LRP1B: variants seen among roughly 807,000 people sequenced by gnomAD.
The protein encoded by LRP1B is LDL receptor related protein 1B, also known as low-density lipoprotein receptor-related protein 1B.
LRP1B carries 217 observed loss-of-function variants against 556.6 expected under a neutral mutation model. The observed-to-expected ratio is 0.39, with a 90% CI of 0.35 to 0.44. The LOEUF is 0.44. Among genes scored for constraint, LRP1B ranks in the 20% least tolerant of loss-of-function variants. LRP1B has a pLI of 1.00. For synonymous variants in LRP1B, 2,047 were observed against 1,865.8 expected, an observed-to-expected ratio of 1.10 and a Z score of -2.50; for missense variants, 5,053 against 5,620.8, an observed-to-expected ratio of 0.90 and a Z score of 3.23.
chr2:140,616,211 A>G (rs993877910), intron 41 of LRP1B, among the ~76,000 whole-genome samples: 2 of 151,986 alleles, frequency 1.3e-5, no homozygotes, highest in African/African-American at 4.8e-5. Flanking sequence ...ACTCATATTC[A>G]GGTACATTGG....
At chr2:140,929,635 G>A (rs1323888554) in intron 20 of LRP1B, among the ~76,000 whole-genome samples, 1 of 151,880 alleles carries the variant, frequency 6.6e-6, no homozygotes, top group Non-Finnish European at 1.5e-5. Context: ...ATCACTTTGC[G>A]ACTATTTAAA....
Position 140,238,161 on chromosome 2 carries a change from G to A in LRP1B, c.13551C>T (p.Asp4517=), listed in dbSNP as rs202222307. ...GGLLDPGFMI[D]PTKARYIGGG... ...TCTTAAGACATACTACCTTTGTTGGGTCTATCATAAAGCCAGGATCTAAAA... is the reference window on the plus strand; with the variant it reads ...TCTTAAGACATACTACCTTTGTTGGATCTATCATAAAGCCAGGATCTAAAA... The change falls in exon 89 of 91, where the codon GAC becomes GAT. Residue 4517 remains aspartate (D), a synonymous_variant. Coordinates refer to ENST00000389484, the MANE Select transcript of LRP1B (RefSeq NM_018557.3). The A allele has an allele frequency of 1.6e-5, 25 of 1,601,456 alleles. No homozygotes were observed. In the East Asian group the frequency reaches 5.0e-4, roughly 32 times the overall value.
chr2:140,907,532 T>G (rs755434315), intron 22 of LRP1B, among the ~76,000 whole-genome samples: 15 of 152,226 alleles, frequency 9.9e-5, no homozygotes, highest in Middle Eastern at 3.4e-3. Context: ...CATCCGTAGA[T>G]GAGGAACAAC....
At chr2:141,970,853 G>A (rs1188971434) in intron 1 of LRP1B, among the ~76,000 whole-genome samples, 1 of 151,426 alleles carries the variant, frequency 6.6e-6, no homozygotes, top group Non-Finnish European at 1.5e-5. Flanking sequence ...GCCCCTTATG[G>A]CAACTGCAAA....
chr2:140,994,787 C>T (rs1437143250), intron 15 of LRP1B, among the ~76,000 whole-genome samples: 1 of 151,856 alleles, frequency 6.6e-6, no homozygotes, highest in East Asian at 1.9e-4. Context: ...ATATGTGATA[C>T]TCATAAAGTT....
chr2:140,534,157 G>A lies in LRP1B; in HGVS notation c.7643-17C>T, dbSNP rs781461389. Reference sequence around the variant, plus strand: ...TTCTGTTTTCTTATAAATAAAAGTAGAAACACACAACCAGAGATCATATAG... The same window carrying A: ...TTCTGTTTTCTTATAAATAAAAGTAAAAACACACAACCAGAGATCATATAG... On this transcript the variant is annotated splice_polypyrimidine_tract_variant and intron_variant, in intron 46 of 90. Transcript: ENST00000389484. 6.2e-7 allele frequency: 1 copy of A among 1,603,798 alleles called. No individual in the cohort carries two copies. The highest frequency in any genetic ancestry group is 8.5e-7 in the Non-Finnish European group (1 of 1,174,018).
chr2:141,395,442 G>T (rs1271266054), intron 3 of LRP1B, among the ~76,000 whole-genome samples: 1 of 152,098 alleles, frequency 6.6e-6, no homozygotes, highest in Non-Finnish European at 1.5e-5. Context: ...ACAGCAATAA[G>T]TTATACCAGA....
chr2:140,648,295 G>T lies in LRP1B; in HGVS notation c.6800-46656C>A, dbSNP rs556319732. Among the ~76,000 whole-genome samples, 25 of 152,182 alleles carry T rather than the reference G, an allele frequency of 1.6e-4. No individual in the cohort carries two copies. The South Asian group carries it at 5.2e-3, about 32-fold the overall frequency. On this transcript the variant is annotated intron_variant, in intron 41 of 90. Coordinates refer to ENST00000389484, the MANE Select transcript of LRP1B (RefSeq NM_018557.3). ...CACACACCGGGGCATGTGGTGGGGT[G>T]GGGGAGTGGGGAGGGATAGCATTAG...
At chr2:140,979,105 G>A (rs1162588578) in intron 18 of LRP1B, among the ~76,000 whole-genome samples, 6 of 151,948 alleles carry the variant, frequency 3.9e-5, no homozygotes, top group East Asian at 3.9e-4. Flanking sequence ...TCAGCCTCTC[G>A]AGTAGCTGGG....
At chr2:141,114,495 C>T (rs1280120286) in intron 7 of LRP1B, among the ~76,000 whole-genome samples, 1 of 152,164 alleles carries the variant, frequency 6.6e-6, no homozygotes, top group African/African-American at 2.4e-5. Flanking sequence ...TTTGGCCTTT[C>T]ATGGCTGATC....
chr2:141,768,969 C>G (rs576199296), intron 2 of LRP1B, among the ~76,000 whole-genome samples: 1 of 151,920 alleles, frequency 6.6e-6, no homozygotes, highest in Non-Finnish European at 1.5e-5. Context: ...TCATTTAATT[C>G]TCTCCCAAAT....
intron 2 of LRP1B, among the ~76,000 whole-genome samples, chr2:141,728,590 C>T (rs1474764406): frequency 1.3e-5 from 2 of 152,072 alleles, no homozygotes; most frequent in South Asian, 2.1e-4. Context: ...TCAGAGAGAT[C>T]CACAGACTTA....
At chr2:140,770,052 GA>G (rs1689254649) in intron 34 of LRP1B, among the ~76,000 whole-genome samples, 1 of 151,644 alleles carries the variant, frequency 6.6e-6, no homozygotes, top group Admixed American at 6.6e-5. Context: ...ATTAAAACTA[GA>G]ATGCCTAGAA....
At chr2:141,633,530 T>A (rs1688987590) in intron 2 of LRP1B, among the ~76,000 whole-genome samples, 1 of 152,094 alleles carries the variant, frequency 6.6e-6, no homozygotes, top group South Asian at 2.1e-4. Context: ...CAGGAAAGTG[T>A]TTGCCTCTGA....
intron 1 of LRP1B, among the ~76,000 whole-genome samples, chr2:141,968,339 T>C (rs1360027695): frequency 6.6e-6 from 1 of 151,856 alleles, no homozygotes; most frequent in Non-Finnish European, 1.5e-5. Flanking sequence ...TACTGCCTTG[T>C]AATTTTTAAT....
chr2:140,604,600 G>A (rs182817729), intron 41 of LRP1B, among the ~76,000 whole-genome samples: 102 of 152,250 alleles, frequency 6.7e-4, no homozygotes, highest in African/African-American at 2.2e-3. Context: ...CTTACCAAAT[G>A]GGAAAGGCAG....
At chr2:142,053,068 C>G (rs1380853204) in intron 1 of LRP1B, among the ~76,000 whole-genome samples, 1 of 152,042 alleles carries the variant, frequency 6.6e-6, no homozygotes, top group African/African-American at 2.4e-5. Flanking sequence ...AGGAAAAAGA[C>G]AAACAAAAAT....
rs34357201 is a variant in LRP1B at position 140,392,932 on chromosome 2, CT to C, written c.10415-6924del. 3.9e-3 allele frequency among the ~76,000 whole-genome samples: 568 copies of C among 144,094 alleles called. 1 individual carries two copies. Among genetic ancestry groups the C allele is most frequent in the Non-Finnish European group, 6.3e-3 (415 of 65,462 alleles). 94.5% of individuals were successfully genotyped at this position (144,094 alleles called of 152,430 possible). ...TTATATGTAGGCCTTTCATATATAA[CT>C]TTTTTTTTTTTTCAGAGACAGTATT... On this transcript the variant is annotated intron_variant, in intron 66 of 90. Transcript: ENST00000389484.
chr2:140,547,286 G>GT lies in LRP1B; in HGVS notation c.7195-5316dup, dbSNP rs200436909. Among the ~76,000 whole-genome samples, 534 of 151,718 alleles carry GT rather than the reference G, an allele frequency of 3.5e-3. 3 individuals are homozygous for GT. Among genetic ancestry groups the GT allele is most frequent in the Admixed American group, 4.1e-3 (62 of 15,166 alleles). ...TTGGCTGTGAATCATCTGGTCCTGGGTTTTTTTTGGTTGGTGGGCTATTTA... is the reference window on the plus strand; with the variant it reads ...TTGGCTGTGAATCATCTGGTCCTGGGTTTTTTTTTGGTTGGTGGGCTATTTA... On this transcript the variant is annotated intron_variant, in intron 43 of 90. Transcript: ENST00000389484.
Sources: allele counts gnomAD v4.1 joint callset (sites outside exome capture counted in the v4.1 genomes callset), GRCh38; gene constraint gnomAD v4.1.1; transcripts MANE v1.5; gene names NCBI Gene and HGNC (gene_info 2026-07-23, HGNC 2026-07-21).